Variants in KCNIP4 observed in about 807,000 individuals in gnomAD.
KCNIP4 encodes potassium voltage-gated channel interacting protein 4.
In KCNIP4, 12 loss-of-function variants were observed where a neutral mutation model predicts 34.0. The observed-to-expected ratio is 0.35, with a 90% CI of 0.23 to 0.57. The LOEUF is 0.57. Among genes scored for constraint, KCNIP4 ranks in the 20% least tolerant of loss-of-function variants. The probability of loss-of-function intolerance (pLI) is 0.83; values close to 1 mark genes in which losing one functional copy is unlikely to be tolerated. For missense variants in KCNIP4, 238 were observed against 311.7 expected, an observed-to-expected ratio of 0.76 and a Z score of 1.78; for synonymous variants, 124 against 102.2, an observed-to-expected ratio of 1.21 and a Z score of -1.29.
intron 1 of KCNIP4, among the ~76,000 whole-genome samples, chr4:21,901,618 C>A (rs1026659964): frequency 1.3e-5 from 2 of 152,092 alleles, no homozygotes; most frequent in African/African-American, 2.4e-5. Context: ...GCAGTGCCCA[C>A]ATTTTGCAAA....
At chr4:21,404,050 C>G (rs1041861663) in intron 1 of KCNIP4, among the ~76,000 whole-genome samples, 1 of 152,174 alleles carries the variant, frequency 6.6e-6, no homozygotes, top group Non-Finnish European at 1.5e-5. Flanking sequence ...GGTAGCCATG[C>G]TGGATTTCTT....
intron 1 of KCNIP4, among the ~76,000 whole-genome samples, chr4:21,028,179 T>A (rs1740713233): frequency 6.6e-6 from 1 of 151,672 alleles, no homozygotes; most frequent in African/African-American, 2.4e-5. Context: ...TCCCCCCCAA[T>A]TGTCACTGTC....
chr4:21,381,799 A>G (rs1433773327), intron 1 of KCNIP4, among the ~76,000 whole-genome samples: 1 of 152,180 alleles, frequency 6.6e-6, no homozygotes, highest in Non-Finnish European at 1.5e-5. Context: ...ATTTTCTGTC[A>G]ACAGCTATTC....
intron 1 of KCNIP4, among the ~76,000 whole-genome samples, chr4:21,458,455 C>T (rs1023816912): frequency 3.3e-5 from 5 of 151,848 alleles, no homozygotes; most frequent in African/African-American, 1.2e-4. Context: ...AATAAACATA[C>T]GTGTGCATGT....
intron 1 of KCNIP4, among the ~76,000 whole-genome samples, chr4:21,123,205 T>TAA (rs11413946): frequency 5.1e-4 from 76 of 149,522 alleles, no homozygotes; most frequent in Middle Eastern, 3.5e-3. Context: ...CAGAGCAAGT[T>TAA]AAAAAAAAAA....
chr4:21,632,267 G>C lies in KCNIP4; in HGVS notation c.61+316304C>G, dbSNP rs762754253. 8.5e-5 allele frequency among the ~76,000 whole-genome samples: 13 copies of C among 152,112 alleles called. 1 individual carries two copies. Among genetic ancestry groups the C allele is most frequent in the Non-Finnish European group, 1.9e-4 (13 of 68,020 alleles). ...TCGCTCTTGTTGCCCAGGCTGGAGTGCAATGGTGTGATCTCAGCTCACTGC... is the reference window on the plus strand; with the variant it reads ...TCGCTCTTGTTGCCCAGGCTGGAGTCCAATGGTGTGATCTCAGCTCACTGC... On this transcript the variant is annotated intron_variant, in intron 1 of 8. Transcript: ENST00000382152.
At chr4:21,179,179 T>C (rs1456413266) in intron 1 of KCNIP4, among the ~76,000 whole-genome samples, 1 of 152,206 alleles carries the variant, frequency 6.6e-6, no homozygotes, top group African/African-American at 2.4e-5. Flanking sequence ...TTGGACCCCA[T>C]ATTCTAAGAC....
intron 1 of KCNIP4, among the ~76,000 whole-genome samples, chr4:21,029,426 G>A (rs542476988): frequency 1.3e-5 from 2 of 152,188 alleles, no homozygotes; most frequent in African/African-American, 2.4e-5. Flanking sequence ...GTAATTGTTA[G>A]TTTCTCCAAT....
intron 1 of KCNIP4, among the ~76,000 whole-genome samples, chr4:21,915,439 C>A (rs756826271): frequency 4.6e-5 from 7 of 152,192 alleles, no homozygotes. Flanking sequence ...AGATAAGCAT[C>A]ATTATGAACA....
chr4:21,121,337 A>G (rs974405580), intron 1 of KCNIP4, among the ~76,000 whole-genome samples: 3 of 152,168 alleles, frequency 2.0e-5, no homozygotes, highest in Non-Finnish European at 2.9e-5. Context: ...TATGTATTAA[A>G]TCCTGGTTTT....
chr4:21,889,708 A>C (rs114920680), intron 1 of KCNIP4, among the ~76,000 whole-genome samples: 1 of 152,122 alleles, frequency 6.6e-6, no homozygotes, highest in Admixed American at 6.6e-5. Context: ...ACCTAGAACT[A>C]ACAATAAGCT....
intron 3 of KCNIP4, among the ~76,000 whole-genome samples, chr4:20,777,681 A>G (rs1756490099): frequency 6.6e-6 from 1 of 152,114 alleles, no homozygotes; most frequent in Non-Finnish European, 1.5e-5. Context: ...GTAATTTGTG[A>G]CAGTGGAGGT....
At chr4:21,191,246 T>C (rs1412185292) in intron 1 of KCNIP4, among the ~76,000 whole-genome samples, 2 of 152,176 alleles carry the variant, frequency 1.3e-5, no homozygotes, top group African/African-American at 4.8e-5. Flanking sequence ...ACCTTGTGTA[T>C]TTGATAGCAA....
At chr4:21,754,469 C>T (rs1316505127) in intron 1 of KCNIP4, among the ~76,000 whole-genome samples, 1 of 152,164 alleles carries the variant, frequency 6.6e-6, no homozygotes, top group East Asian at 1.9e-4. Flanking sequence ...TTAATTAATG[C>T]ATAAATAACC....
At chr4:20,993,027 CAAAAAAAAAAA>C (rs11416440) in intron 1 of KCNIP4, among the ~76,000 whole-genome samples, 1 of 42,072 alleles carries the variant, frequency 2.4e-5, no homozygotes, top group Non-Finnish European at 4.4e-5. Context: ...GACTCCATCT[CAAAAAAAAAAA>C]AAAAAAAAAA....
chr4:21,476,080 C>T (rs146673141), intron 1 of KCNIP4, among the ~76,000 whole-genome samples: 240 of 152,272 alleles, frequency 1.6e-3, no homozygotes, highest in Non-Finnish European at 2.6e-3. Context: ...AAAGGTGGCT[C>T]TCTGTAAGTA....
chr4:21,798,117 T>A lies in KCNIP4; in HGVS notation c.61+150454A>T, dbSNP rs540789406. On this transcript the variant is annotated intron_variant, in intron 1 of 8. Transcript: ENST00000382152. ...CCTTAAGATGTTGCACTTAAATATATAAAATACAAAAAAAAAATACGTACA... is the reference window on the plus strand; with the variant it reads ...CCTTAAGATGTTGCACTTAAATATAAAAAATACAAAAAAAAAATACGTACA... Among the ~76,000 whole-genome samples the A allele has an allele frequency of 8.1e-4, 116 of 142,474 alleles. 1 individual carries two copies. Among genetic ancestry groups the A allele is most frequent in the African/African-American group, 3.4e-3 (111 of 32,838 alleles). The allele number at this position is 142,474 out of a possible 152,430, so 93.5% of individuals were successfully genotyped here. A position where few individuals can be genotyped will look rare whatever the true frequency, so the allele number is the denominator to read the frequency against.
rs565667052 is a variant in KCNIP4 at position 20,811,239 on chromosome 4, C to T, written c.288+39304G>A. Among the ~76,000 whole-genome samples the T allele has an allele frequency of 1.4e-4, 21 of 152,276 alleles. No homozygotes were observed. The South Asian group carries it at 2.5e-3, about 18-fold the overall frequency. On this transcript the variant is annotated intron_variant, in intron 3 of 8. Coordinates refer to ENST00000382152, the MANE Select transcript of KCNIP4 (RefSeq NM_025221.6). ...CAATTATTAAATGGATAAATAAGTGCTTAAAACGTGAAAAATAGGGAAATT... is the reference window on the plus strand; with the variant it reads ...CAATTATTAAATGGATAAATAAGTGTTTAAAACGTGAAAAATAGGGAAATT...
chr4:20,790,255 A>C (rs1357597695), intron 3 of KCNIP4, among the ~76,000 whole-genome samples: 1 of 152,204 alleles, frequency 6.6e-6, no homozygotes, highest in Non-Finnish European at 1.5e-5. Flanking sequence ...GTATCCTTGC[A>C]CTTACCATGA....
Sources: allele counts gnomAD v4.1 joint callset (sites outside exome capture counted in the v4.1 genomes callset), GRCh38; gene constraint gnomAD v4.1.1; transcripts MANE v1.5; gene names NCBI Gene and HGNC (gene_info 2026-07-23, HGNC 2026-07-21).